MX1: variants seen among roughly 807,000 people sequenced by gnomAD.
MX1 encodes the protein interferon-induced GTP-binding protein Mx1.
In MX1, 66 loss-of-function variants were observed where a neutral mutation model predicts 66.4. That is an observed-to-expected ratio of 0.99 (90% CI 0.82 to 1.22). The LOEUF is 1.22. MX1 is among the 50% of genes most tolerant of loss of function. MX1 has a pLI of 0.00. For synonymous variants in MX1, 311 were observed against 318.1 expected (o/e 0.98, Z 0.24); for missense variants, 787 against 834.3 (o/e 0.94, Z 0.70).
chr21:41,429,473 A>G (rs2090152160), intron 3 of MX1: 1 of 152,176 alleles, frequency 6.6e-6, no homozygotes. Flanking sequence ...CAACTGAGGC[A>G]ACCATAGCCC....
rs1360300911 is a variant in MX1, at chr21:41,435,733, G to A, written c.106-104G>A. 3 of 1,281,176 alleles carry A rather than the reference G, an allele frequency of 2.3e-6. No individual in the cohort carries two copies. In the African/African-American group the frequency reaches 4.4e-5, roughly 19 times the overall value. 79.4% of individuals were successfully genotyped at this position (1,281,176 alleles called of 1,614,324 possible). On this transcript the variant is annotated intron_variant, in intron 5 of 16. Transcript: ENST00000398598. ...TCTCCCTTGACACGTAGGGATTATG[G>A]GGATTACAATTCGAGATGAGATTTG...
intron 16 of MX1, among the ~76,000 whole-genome samples, chr21:41,457,717 G>T (rs866290955): frequency 1.3e-5 from 2 of 152,058 alleles, no homozygotes; most frequent in African/African-American, 4.8e-5. Flanking sequence ...TGTCTATTTT[G>T]CCATCTTAAC....
intron 5 of MX1, among the ~76,000 whole-genome samples, chr21:41,434,940 C>T (rs1227446917): frequency 6.6e-6 from 1 of 152,212 alleles, no homozygotes; most frequent in Non-Finnish European, 1.5e-5. Flanking sequence ...TTTAACATTT[C>T]CTGTAGTGCA....
chr21:41,432,244 A>G (rs1433008785), intron 5 of MX1, 69 bp downstream of exon 5: 8 of 1,400,252 alleles, frequency 5.7e-6, no homozygotes, highest in Non-Finnish European at 6.0e-6. Flanking sequence ...GCCCTTTTCT[A>G]CAGCGGTGCT....
At chr21:41,449,065 G>T in intron 13 of MX1, 72 bp from the exon 14 acceptor site, 1 of 1,342,976 alleles carries the variant, frequency 7.4e-7, no homozygotes, top group Non-Finnish European at 1.0e-6. Flanking sequence ...AATTTAGAAT[G>T]GTATTGTGTT....
In MX1 at chr21:41,432,039, T is replaced by C. The variant is rs1168765707; in HGVS notation, c.-21-11T>C. 5 of 1,610,998 alleles carry C rather than the reference T, an allele frequency of 3.1e-6. No homozygotes were observed. The highest frequency in any genetic ancestry group is 1.7e-5 in the Admixed American group (1 of 60,002). On this transcript the variant is annotated splice_polypyrimidine_tract_variant and intron_variant, in intron 4 of 16. Transcript: ENST00000398598. ...GCTTATCTGTTCAATAGGCATCTGCTTTATTTTAAGCTTACTTTGCAAAGA... is the reference window on the plus strand; with the variant it reads ...GCTTATCTGTTCAATAGGCATCTGCCTTATTTTAAGCTTACTTTGCAAAGA...
At position 41,441,112 on chromosome 21, in the gene MX1, G is replaced by A. The variant is rs932304847; in HGVS notation, c.730+87G>A. ...AGAATGGGGGAGCCCACCTGTGCTC[G>A]GTGAGAATGGGGGAGCCCGCCTGTG... is the stretch of plus-strand genomic sequence containing the variant. On this transcript the variant is annotated intron_variant, in intron 9 of 16. Transcript: ENST00000398598. The surrounding 1 kb of genome is among the most constrained non-coding windows in gnomAD (Gnocchi z 4.0). The A allele has an allele frequency of 2.6e-5, 31 of 1,172,972 alleles. 1 individual carries two copies. The highest frequency in any genetic ancestry group is 1.4e-4 in the East Asian group (6 of 41,626). 72.7% of individuals were successfully genotyped at this position (1,172,972 alleles called of 1,614,324 possible).
rs2090390521 is a variant in MX1 at position 41,437,231 on chromosome 21, C to T, written c.436+79C>T. Reference sequence around the variant, plus strand: ...TGTTTGTAACTGTTCATACTCCCACCTCCCTGGGCCTGTGCTGTCAGGACA... The same window carrying T: ...TGTTTGTAACTGTTCATACTCCCACTTCCCTGGGCCTGTGCTGTCAGGACA... On this transcript the variant is annotated intron_variant, in intron 7 of 16. Coordinates refer to ENST00000398598, the MANE Select transcript of MX1 (RefSeq NM_002462.5). 3.3e-6 allele frequency: 5 copies of T among 1,517,392 alleles called. No homozygotes were observed. In the Admixed American group the frequency reaches 5.4e-5, roughly 16 times the overall value. The allele number at this position is 1,517,392 out of a possible 1,614,324, so 94.0% of individuals were successfully genotyped here.
chr21:41,452,977 C>T (rs1307672232), intron 16 of MX1, 108 bp downstream of exon 16: 8 of 1,297,858 alleles, frequency 6.2e-6, no homozygotes, highest in African/African-American at 1.5e-5. Flanking sequence ...TCAGCTCTGT[C>T]GTTTACCTCC....
At position 41,441,835 on chromosome 21, in the gene MX1, C is replaced by G. The variant is rs1439941253; in HGVS notation, c.850C>G (p.Gln284Glu). Residue 284 changes from glutamine to glutamate, a missense_variant, in exon 10 of 17, where the codon CAG becomes GAG. Coordinates refer to ENST00000398598, the MANE Select transcript of MX1 (RefSeq NM_002462.5). This position sits in a 1 kb window ranked among gnomAD's most constrained non-coding sequence, Gnocchi z 4.0. ...CATGATTGTCAAGTGCCGGGGCCAGCAGGAGATCCAGGACCAGCTGAGCCT... is the reference window on the plus strand; with the variant it reads ...CATGATTGTCAAGTGCCGGGGCCAGGAGGAGATCCAGGACCAGCTGAGCCT... ...GYMIVKCRGQQEIQDQLSLSE... is the reference protein window; with the variant it reads ...GYMIVKCRGQEEIQDQLSLSE... The G allele has an allele frequency of 6.2e-7, 1 of 1,614,180 alleles. No individual in the cohort carries two copies. The highest frequency in any genetic ancestry group is 8.5e-7 in the Non-Finnish European group (1 of 1,180,030).
At chr21:41,422,583 T>G (rs924002176), upstream of MX1, among the ~76,000 whole-genome samples, 14 of 151,992 alleles carry the variant, frequency 9.2e-5, no homozygotes, top group African/African-American at 3.1e-4. Context: ...TGAGACTGGA[T>G]CAGAAGTTGC....
At chr21:41,450,007 A>C (rs1047073855) in intron 14 of MX1, among the ~76,000 whole-genome samples, 2 of 152,142 alleles carry the variant, frequency 1.3e-5, no homozygotes, top group African/African-American at 4.8e-5. Flanking sequence ...AAAACACGAG[A>C]TACTCCTAAG....
At position 41,431,793 on chromosome 21, in the gene MX1, C is replaced by T. The variant is rs751983366; in HGVS notation, c.-21-257C>T. 63 of 366,704 alleles carry T rather than the reference C, an allele frequency of 1.7e-4. 1 individual carries two copies. Among genetic ancestry groups the T allele is most frequent in the South Asian group, 1.6e-3 (54 of 34,770 alleles). 22.7% of individuals were successfully genotyped at this position (366,704 alleles called of 1,614,324 possible). On this transcript the variant is annotated intron_variant, in intron 4 of 16. Coordinates refer to ENST00000398598, the MANE Select transcript of MX1 (RefSeq NM_002462.5). Reference sequence around the variant, plus strand: ...CCGGCCTGGAGGGATATTCTTGAAGCGCCTTGAGCAGGGAGGCAGCGTTTG... The same window carrying T: ...CCGGCCTGGAGGGATATTCTTGAAGTGCCTTGAGCAGGGAGGCAGCGTTTG...
In MX1 at chr21:41,426,254, G is replaced by A. The variant is rs2090056286; in HGVS notation, c.-318G>A. 1 of 153,350 alleles carries A rather than the reference G, an allele frequency of 6.5e-6. No homozygotes were observed. The highest frequency in any genetic ancestry group is 1.5e-5 in the Non-Finnish European group (1 of 68,724). 9.5% of individuals were successfully genotyped at this position (153,350 alleles called of 1,614,324 possible). A position where few individuals can be genotyped will look rare whatever the true frequency, so the allele number is the denominator to read the frequency against. ...AGCGGAGGCCGCACTCCAGCACTGC[G>A]CAGGGACCGGTGAGTGTCGCTTCTG... On this transcript the variant is annotated 5_prime_UTR_variant, in exon 1 of 17. Coordinates refer to ENST00000398598, the MANE Select transcript of MX1 (RefSeq NM_002462.5).
chr21:41,445,821 G>A, intron 12 of MX1, 179 bp from the exon 13 acceptor site: 1 of 851,060 alleles, frequency 1.2e-6, no homozygotes, highest in South Asian at 1.8e-5. Flanking sequence ...GATCCCTAAG[G>A]CAGTAAGGGG....
At chr21:41,450,505 G>A (rs13050773) in intron 14 of MX1, among the ~76,000 whole-genome samples, 77,012 of 152,024 alleles carry the variant, frequency 0.51, 20,858 homozygotes, top group African/African-American at 0.71. Context: ...TTTTAGCCCT[G>A]ATAATCATAT....
intron 16 of MX1, among the ~76,000 whole-genome samples, chr21:41,457,285 T>C (rs2090982718): frequency 6.6e-6 from 1 of 152,254 alleles, no homozygotes. Context: ...TTTGTCATTT[T>C]TGTCTATGGT....
Position 41,435,974 on chromosome 21 carries a change from G to C in MX1, c.243G>C (p.Ser81=). ...PAIAVIGDQS[S]GKSSVLEALS... ...TCGCCGTCATCGGGGACCAGAGCTCGGGCAAGAGCTCCGTGTTGGAGGCAC... is the reference window on the plus strand; with the variant it reads ...TCGCCGTCATCGGGGACCAGAGCTCCGGCAAGAGCTCCGTGTTGGAGGCAC... The change falls in exon 6 of 17, where the codon TCG becomes TCC. Residue 81 remains serine (S), a synonymous_variant. Coordinates refer to ENST00000398598, the MANE Select transcript of MX1 (RefSeq NM_002462.5). 6.2e-7 allele frequency: 1 copy of C among 1,614,188 alleles called. No individual in the cohort carries two copies. The highest frequency in any genetic ancestry group is 1.1e-5 in the South Asian group (1 of 91,082).
In MX1 at chr21:41,443,913, C is replaced by T. The variant is rs199982648; in HGVS notation, c.1008+47C>T. ...GGTTCTCTAAAAAGAATACTACGACCGCAGAGCTGAACCTTGCTGGCTTCT... is the reference window on the plus strand; with the variant it reads ...GGTTCTCTAAAAAGAATACTACGACTGCAGAGCTGAACCTTGCTGGCTTCT... On this transcript the variant is annotated intron_variant, in intron 11 of 16. Transcript: ENST00000398598. 430 of 1,554,820 alleles carry T rather than the reference C, an allele frequency of 2.8e-4. 4 individuals carry two copies. The South Asian group carries it at 3.9e-3, about 14-fold the overall frequency.
Sources: allele counts gnomAD v4.1 joint callset (sites outside exome capture counted in the v4.1 genomes callset), GRCh38; gene constraint gnomAD v4.1.1; non-coding constraint Gnocchi (gnomAD v3.1); transcripts MANE v1.5; gene names NCBI Gene and HGNC (gene_info 2026-07-23, HGNC 2026-07-21).